The following ZRANB3 variants were observed in gnomAD, a reference collection of about 807,000 sequenced individuals.
ZRANB3 encodes the protein DNA annealing helicase and endonuclease ZRANB3.
In ZRANB3, 125 loss-of-function variants were observed where a neutral mutation model predicts 133.8. That is an observed-to-expected ratio of 0.93 (90% CI 0.81 to 1.08). ZRANB3 has a LOEUF of 1.08. Among genes scored for constraint, ZRANB3 ranks in the 50% least tolerant of loss-of-function variants. ZRANB3 has a pLI of 0.00. For missense variants in ZRANB3, 1,229 were observed against 1,275.5 expected (o/e 0.96, Z 0.56); for synonymous variants, 387 against 432.7 (o/e 0.89, Z 1.31).
At chr2:135,463,710 C>G (rs1445734000) in intron 2 of ZRANB3, among the ~76,000 whole-genome samples, 1 of 152,218 alleles carries the variant, frequency 6.6e-6, no homozygotes, top group Non-Finnish European at 1.5e-5. Context: ...AACCACCACA[C>G]CCAGTCACCT....
intron 2 of ZRANB3, among the ~76,000 whole-genome samples, chr2:135,466,344 C>T (rs1574146560): frequency 7.6e-6 from 1 of 131,218 alleles, no homozygotes; most frequent in South Asian, 2.5e-4. Context: ...GATCATGCCA[C>T]TGCACTCCAG....
chr2:135,486,166 C>T (rs974938784), intron 2 of ZRANB3, among the ~76,000 whole-genome samples: 1 of 152,134 alleles, frequency 6.6e-6, no homozygotes, highest in African/African-American at 2.4e-5. Context: ...TTGACTCTTT[C>T]TTTCATGAAA....
chr2:135,391,737 G>C (rs1442416896), intron 2 of ZRANB3, among the ~76,000 whole-genome samples: 1 of 151,778 alleles, frequency 6.6e-6, no homozygotes, highest in Non-Finnish European at 1.5e-5. Context: ...CTGTCACCAC[G>C]CCAGGCTAAT....
Position 135,487,955 on chromosome 2 carries a change from C to G in ZRANB3, c.161+16374G>C, listed in dbSNP as rs537403323. Among the ~76,000 whole-genome samples the G allele has an allele frequency of 7.9e-5, 12 of 152,312 alleles. No individual in the cohort carries two copies. In the South Asian group the frequency reaches 2.5e-3, roughly 32 times the overall value. On this transcript the variant is annotated intron_variant, in intron 2 of 20. Coordinates refer to ENST00000264159, the MANE Select transcript of ZRANB3 (RefSeq NM_032143.4). Reference sequence around the variant, plus strand: ...TGGCACAGGAGGCCTAGCTTTTAGCCTATATCCACTTCGACCTGCCTTCCT... The same window carrying G: ...TGGCACAGGAGGCCTAGCTTTTAGCGTATATCCACTTCGACCTGCCTTCCT...
chr2:135,214,287 C>T (rs1694219001), intron 17 of ZRANB3, among the ~76,000 whole-genome samples: 1 of 152,106 alleles, frequency 6.6e-6, no homozygotes, highest in Non-Finnish European at 1.5e-5. Context: ...TGAGTCTTGC[C>T]CTTTTTGATC....
At chr2:135,287,251 G>A (rs551782083) in intron 8 of ZRANB3, among the ~76,000 whole-genome samples, 1 of 152,214 alleles carries the variant, frequency 6.6e-6, no homozygotes, top group East Asian at 1.9e-4. Context: ...TTATTTCTGG[G>A]TTCTCTATTC....
chr2:135,393,528 G>C (rs1471117637), intron 2 of ZRANB3, among the ~76,000 whole-genome samples: 1 of 151,810 alleles, frequency 6.6e-6, no homozygotes, highest in Admixed American at 6.6e-5. Context: ...ACAAAAAATA[G>C]GTGTTCAAAA....
At chr2:135,342,892 T>C (rs1301609523) in intron 6 of ZRANB3, among the ~76,000 whole-genome samples, 2 of 147,150 alleles carry the variant, frequency 1.4e-5, no homozygotes, top group Non-Finnish European at 2.9e-5. Flanking sequence ...TGGCTGGGCA[T>C]GGTAGCTCAC....
chr2:135,284,709 G>A (rs1681264973), intron 8 of ZRANB3, among the ~76,000 whole-genome samples: 1 of 152,140 alleles, frequency 6.6e-6, no homozygotes, highest in Non-Finnish European at 1.5e-5. Context: ...TTGACCTCGT[G>A]ATCCACCCAC....
chr2:135,414,170 A>G (rs1291444717), intron 2 of ZRANB3, among the ~76,000 whole-genome samples: 2 of 152,192 alleles, frequency 1.3e-5, no homozygotes, highest in Non-Finnish European at 2.9e-5. Context: ...AATTGGATAA[A>G]GAGTCAAGAC....
Position 135,265,571 on chromosome 2 carries a change from C to T in ZRANB3, c.1502G>A (p.Ser501Asn). ...AGCTTCCTTCCTTAACTCTTCAGAA[C>T]TGTCATTTGGAGTCCAAGCTTCAGC... is the stretch of plus-strand genomic sequence containing the variant. The part of the protein sequence containing the change: ...QFAEAWTPND[S>N]SEELRKEALF... The change falls in exon 12 of 21, where the codon AGT becomes AAT. Residue 501 changes from serine to asparagine, a missense_variant. By Grantham distance (46) the Ser-to-Asn change is conservative. Coordinates refer to ENST00000264159, the MANE Select transcript of ZRANB3 (RefSeq NM_032143.4). 1 of 1,613,664 alleles carries T rather than the reference C, an allele frequency of 6.2e-7. No homozygotes were observed. Among genetic ancestry groups the T allele is most frequent in the Non-Finnish European group, 8.5e-7 (1 of 1,179,784 alleles).
At chr2:135,258,661 G>T (rs540774658) in intron 12 of ZRANB3, among the ~76,000 whole-genome samples, 1 of 152,306 alleles carries the variant, frequency 6.6e-6, no homozygotes, top group South Asian at 2.1e-4. Flanking sequence ...CTGCCCTCAT[G>T]TCCTTATCAA....
Position 135,200,354 on chromosome 2 carries a change from C to A in ZRANB3, c.3228G>T (p.Leu1076Phe). ...SKHGSDITRF[L>F]VKK ...ATATTTTTCTACTTTACTTCTTTAC[C>A]AAAAATCGTGTGATGTCTGATCCAT... The change falls in exon 21 of 21, where the codon TTG becomes TTT. Residue 1076 changes from leucine to phenylalanine, a missense_variant. Transcript: ENST00000264159. The A allele has an allele frequency of 6.3e-7, 1 of 1,597,156 alleles. No homozygotes were observed. The highest frequency in any genetic ancestry group is 8.5e-7 in the Non-Finnish European group (1 of 1,171,044).
chr2:135,267,158 G>T (rs1401828366), intron 11 of ZRANB3, among the ~76,000 whole-genome samples: 1 of 152,136 alleles, frequency 6.6e-6, no homozygotes, highest in Non-Finnish European at 1.5e-5. Flanking sequence ...GCTTATAACA[G>T]AATATCTGAA....
intron 17 of ZRANB3, among the ~76,000 whole-genome samples, chr2:135,212,700 G>T (rs557681557): frequency 2.0e-5 from 3 of 152,176 alleles, no homozygotes; most frequent in Non-Finnish European, 4.4e-5. Context: ...AGTAAATAGA[G>T]AAGGGAGAAT....
intron 1 of ZRANB3, among the ~76,000 whole-genome samples, chr2:135,521,893 GAC>G (rs1693958392): frequency 6.6e-6 from 1 of 152,156 alleles, no homozygotes; most frequent in Non-Finnish European, 1.5e-5. Flanking sequence ...GTGTGGGAAA[GAC>G]AGTTTCTGGG....
intron 1 of ZRANB3, among the ~76,000 whole-genome samples, chr2:135,526,664 C>A (rs1170640195): frequency 6.6e-6 from 1 of 152,148 alleles, no homozygotes; most frequent in Non-Finnish European, 1.5e-5. Flanking sequence ...TTAAAATTGT[C>A]CTGCAAAGTC....
chr2:135,235,995 A>G (rs1374620772), intron 12 of ZRANB3, among the ~76,000 whole-genome samples: 1 of 152,166 alleles, frequency 6.6e-6, no homozygotes, highest in East Asian at 1.9e-4. Context: ...AGGAAGTCAA[A>G]TTGTCCCTGT....
chr2:135,357,180 AC>A (rs147208151), intron 3 of ZRANB3, among the ~76,000 whole-genome samples: 4,193 of 151,916 alleles, frequency 0.028, 87 homozygotes, highest in South Asian at 0.044. Context: ...CACTGCAACC[AC>A]CTCTACCTCC....
Sources: allele counts gnomAD v4.1 joint callset (sites outside exome capture counted in the v4.1 genomes callset), GRCh38; gene constraint gnomAD v4.1.1; transcripts MANE v1.5; gene names NCBI Gene and HGNC (gene_info 2026-07-23, HGNC 2026-07-21).